The following DRC3 variants were observed in gnomAD, a reference collection of about 807,000 sequenced individuals.
The protein encoded by DRC3 is dynein regulatory complex subunit 3, also known as leucine rich repeat containing 48.
DRC3 carries 45 observed loss-of-function variants against 57.6 expected under a neutral mutation model. That is an observed-to-expected ratio of 0.78 (90% CI 0.62 to 1.00). The LOEUF (loss-of-function observed/expected upper bound fraction) is 1.00, where lower values mean the gene tolerates loss of function less well. Among genes scored for constraint, DRC3 ranks in the 50% least tolerant of loss-of-function variants. The pLI is 0.00. For missense variants in DRC3, 655 were observed against 675.2 expected, an observed-to-expected ratio of 0.97 and a Z score of 0.33; for synonymous variants, 257 against 272.3, an observed-to-expected ratio of 0.94 and a Z score of 0.55.
intron 9 of DRC3, among the ~76,000 whole-genome samples, chr17:18,003,720 G>A (rs1473254254): frequency 7.4e-6 from 1 of 135,866 alleles, no homozygotes; most frequent in Admixed American, 8.1e-5. Context: ...TCGGCTCACT[G>A]CAAGCCCCAC....
At chr17:18,010,928 T>C in intron 12 of DRC3, 1 of 266,972 alleles carries the variant, frequency 3.7e-6, no homozygotes, top group Middle Eastern at 1.4e-3. Context: ...GGGGCCTCTC[T>C]CAAGGATGAG....
chr17:17,981,701 T>A (rs1015867758), intron 3 of DRC3: 1 of 152,134 alleles, frequency 6.6e-6, no homozygotes, highest in Admixed American at 6.5e-5. Context: ...TTTTTTTTAT[T>A]TATTTATTTA....
At position 18,000,248 on chromosome 17, in the gene DRC3, G is replaced by C. The variant is rs575081875; in HGVS notation, c.999+2614G>C. Among the ~76,000 whole-genome samples the C allele has an allele frequency of 4.0e-3, 424 of 104,700 alleles. 9 individuals carry two copies. Among genetic ancestry groups the C allele is most frequent in the Non-Finnish European group, 6.0e-3 (306 of 50,962 alleles). 68.7% of individuals were successfully genotyped at this position (104,700 alleles called of 152,430 possible). On this transcript the variant is annotated intron_variant, in intron 9 of 13. Coordinates refer to ENST00000399187, the MANE Select transcript of DRC3 (RefSeq NM_031294.4). The stretch of plus-strand genomic sequence containing the variant: ...CGTTCTGTACTTTGCTTTCACGTGA[G>C]TGTGTGTGTGTGTGTGTGTGCATAG...
intron 9 of DRC3, among the ~76,000 whole-genome samples, chr17:18,001,023 C>G (rs2043708489): frequency 6.6e-6 from 1 of 152,086 alleles, no homozygotes; most frequent in South Asian, 2.1e-4. Context: ...CCTCAGCCTC[C>G]TGAGTAGCTG....
chr17:18,012,397 TGGCA>T (rs1288776873), intron 12 of DRC3, among the ~76,000 whole-genome samples: 3 of 152,140 alleles, frequency 2.0e-5, no homozygotes, highest in Non-Finnish European at 2.9e-5. Flanking sequence ...GACCTGAAAC[TGGCA>T]GGGCGCAGTG....
At chr17:17,986,302 A>T (rs1413360941) in intron 4 of DRC3, among the ~76,000 whole-genome samples, 1 of 152,178 alleles carries the variant, frequency 6.6e-6, no homozygotes, top group African/African-American at 2.4e-5. Flanking sequence ...TAAAATGGGG[A>T]TGATGCTATC....
chr17:17,995,142 G>A, intron 8 of DRC3, 31 bp downstream of exon 8: 2 of 1,530,694 alleles, frequency 1.3e-6, no homozygotes, highest in Non-Finnish European at 1.8e-6. Context: ...CTGTCTCAGA[G>A]CCTCTGCCAC....
chr17:18,009,925 G>C (rs2044111459), intron 12 of DRC3, among the ~76,000 whole-genome samples: 1 of 152,222 alleles, frequency 6.6e-6, no homozygotes, highest in South Asian at 2.1e-4. Context: ...GCTGAGGAGA[G>C]AGCCTGGAGC....
chr17:18,000,477 A>C (rs1006091289), intron 9 of DRC3, among the ~76,000 whole-genome samples: 2 of 152,178 alleles, frequency 1.3e-5, no homozygotes, highest in Admixed American at 6.5e-5. Flanking sequence ...TTATAGCTAA[A>C]ATATCGCATT....
chr17:18,006,588 C>A, intron 11 of DRC3: 2 of 397,636 alleles, frequency 5.0e-6, no homozygotes, highest in Non-Finnish European at 9.3e-6. Flanking sequence ...GGTGAGGAGC[C>A]AACATCGGAG....
At chr17:18,009,099 C>CA (rs544656451) in intron 12 of DRC3, among the ~76,000 whole-genome samples, 11 of 152,136 alleles carry the variant, frequency 7.2e-5, no homozygotes, top group Non-Finnish European at 1.3e-4. Flanking sequence ...ATCTAAGCAA[C>CA]AAAAAATGTG....
At position 18,014,888 on chromosome 17, in the gene DRC3, C is replaced by A. The variant is rs1381374810; in HGVS notation, c.1327-1176C>A. 2.0e-5 allele frequency among the ~76,000 whole-genome samples: 3 copies of A among 152,182 alleles called. No individual in the cohort carries two copies. In the East Asian group the frequency reaches 5.8e-4, roughly 29 times the overall value. On this transcript the variant is annotated intron_variant, in intron 12 of 13. Transcript: ENST00000399187. ...ACACATGGAAAGAACTTAATAATTT[C>A]TTGACATTTCTCCCTTGTGACTGTG...
chr17:17,980,954 A>G lies in DRC3; in HGVS notation c.161-2874A>G, dbSNP rs562458384. 1.9e-4 allele frequency among the ~76,000 whole-genome samples: 29 copies of G among 152,202 alleles called. No homozygotes were observed. The South Asian group carries it at 4.8e-3, about 25-fold the overall frequency. Reference sequence around the variant, plus strand: ...GAATCTCATTTATTGAAAACATTATATTTCACCTTTCTCAAATTGAAGACT... The same window carrying G: ...GAATCTCATTTATTGAAAACATTATGTTTCACCTTTCTCAAATTGAAGACT... On this transcript the variant is annotated intron_variant, in intron 3 of 13. Transcript: ENST00000399187.
chr17:17,987,647 C>T (rs542512389), intron 4 of DRC3, among the ~76,000 whole-genome samples: 2 of 152,290 alleles, frequency 1.3e-5, no homozygotes, highest in Admixed American at 1.3e-4. Context: ...TTAGTATTTT[C>T]CTCCCAGAAC....
intron 12 of DRC3, chr17:18,007,516 A>G: frequency 6.5e-7 from 1 of 1,547,530 alleles, no homozygotes; most frequent in Non-Finnish European, 8.7e-7. Context: ...TAGAGTCTGT[A>G]TAATGAGTAC....
chr17:18,013,504 T>TG (rs879869137), intron 12 of DRC3, among the ~76,000 whole-genome samples: 9 of 152,178 alleles, frequency 5.9e-5, no homozygotes, highest in Admixed American at 5.9e-4. Flanking sequence ...TGGATGGAAC[T>TG]GGAGGACATT....
At chr17:17,982,731 C>T (rs1313772777) in intron 3 of DRC3, among the ~76,000 whole-genome samples, 2 of 151,868 alleles carry the variant, frequency 1.3e-5, no homozygotes, top group African/African-American at 2.4e-5. Flanking sequence ...TGCACCACCA[C>T]GCCCAGCCAA....
rs1316831694 is a variant in DRC3, at chr17:18,012,682, A to G, written c.1327-3382A>G. Among the ~76,000 whole-genome samples, 4 of 152,182 alleles carry G rather than the reference A, an allele frequency of 2.6e-5. No individual in the cohort carries two copies. In the East Asian group the frequency reaches 5.8e-4, roughly 22 times the overall value. Reference sequence around the variant, plus strand: ...GAGCAATAGAGCCAGACTTTGTCTCAGAAGAAAAAAAAAAAGACCTGAAAC... The same window carrying G: ...GAGCAATAGAGCCAGACTTTGTCTCGGAAGAAAAAAAAAAAGACCTGAAAC... On this transcript the variant is annotated intron_variant, in intron 12 of 13. Transcript: ENST00000399187.
intron 9 of DRC3, among the ~76,000 whole-genome samples, chr17:18,001,073 CTTT>C (rs955406866): frequency 1.3e-5 from 2 of 151,276 alleles, no homozygotes; most frequent in Non-Finnish European, 2.9e-5. Context: ...CTGTTTCTTT[CTTT>C]TTTTCTTTTT....
Sources: allele counts gnomAD v4.1 joint callset (sites outside exome capture counted in the v4.1 genomes callset), GRCh38; gene constraint gnomAD v4.1.1; transcripts MANE v1.5; gene names NCBI Gene and HGNC (gene_info 2026-07-23, HGNC 2026-07-21).